The following RNMT variants were observed in gnomAD, a reference collection of about 807,000 sequenced individuals.
The protein encoded by RNMT is RNA guanine-7 methyltransferase.
In RNMT, 27 loss-of-function variants were observed where a neutral mutation model predicts 56.0. That is an observed-to-expected ratio of 0.48 (90% CI 0.36 to 0.67). RNMT has a LOEUF of 0.67. Ranked by LOEUF, RNMT falls within the 30% of genes least tolerant of loss-of-function variation. The pLI, the probability that RNMT is intolerant of heterozygous loss-of-function variation, is 0.00. For synonymous variants in RNMT, 184 were observed against 176.2 expected (o/e 1.04, Z -0.35); for missense variants, 519 against 552.1 (o/e 0.94, Z 0.60).
chr18:13,761,137 G>A lies in RNMT; in HGVS notation c.*1158G>A. 2 of 985,372 alleles carry A rather than the reference G, an allele frequency of 2.0e-6. No homozygotes were observed. The highest frequency in any genetic ancestry group is 9.4e-5 in the South Asian group (2 of 21,282). The allele number at this position is 985,372 out of a possible 1,614,324, so 61.0% of individuals were successfully genotyped here. On this transcript the variant is annotated 3_prime_UTR_variant, in exon 12 of 12. Coordinates refer to ENST00000383314, the MANE Select transcript of RNMT (RefSeq NM_003799.3). ...ACAATACTTGTTTTAAAAACATAGT[G>A]TCTTCATTAGTGTGCATCTATTAAC...
chr18:13,735,651 A>G (rs1279636614), intron 4 of RNMT, among the ~76,000 whole-genome samples: 1 of 151,958 alleles, frequency 6.6e-6, no homozygotes, highest in Non-Finnish European at 1.5e-5. Context: ...TTTTATGAAT[A>G]CTTATTTATT....
At chr18:13,752,207 T>C in intron 9 of RNMT, 119 bp from the exon 10 acceptor site, 1 of 636,662 alleles carries the variant, frequency 1.6e-6, no homozygotes, top group South Asian at 2.1e-5. Flanking sequence ...ATAGTTTGTA[T>C]TCCTGAAGTA....
chr18:13,740,648 A>G (rs984811137), intron 6 of RNMT, among the ~76,000 whole-genome samples: 2 of 152,226 alleles, frequency 1.3e-5, no homozygotes, highest in Non-Finnish European at 2.9e-5. Flanking sequence ...CTGGGATTAC[A>G]GGCATGAGCC....
intron 4 of RNMT, among the ~76,000 whole-genome samples, chr18:13,736,088 TTA>T (rs2044153733): frequency 6.6e-6 from 1 of 152,238 alleles, no homozygotes; most frequent in Admixed American, 6.5e-5. Context: ...TGCAGAGATT[TTA>T]TAATTGTTTT....
intron 5 of RNMT, among the ~76,000 whole-genome samples, chr18:13,738,820 C>G (rs1244790391): frequency 6.6e-6 from 1 of 152,158 alleles, no homozygotes; most frequent in Non-Finnish European, 1.5e-5. Context: ...CCCTTGTCTC[C>G]CTTTAAATTA....
chr18:13,754,030 C>A, intron 10 of RNMT, 84 bp from the exon 11 acceptor site: 2 of 725,370 alleles, frequency 2.8e-6, no homozygotes, highest in South Asian at 1.6e-5. Flanking sequence ...GTCTTTTGGC[C>A]ATCTCTGCCC....
intron 1 of RNMT, among the ~76,000 whole-genome samples, chr18:13,730,214 A>G (rs536169892): frequency 3.3e-4 from 51 of 152,344 alleles, no homozygotes; most frequent in Non-Finnish European, 6.6e-4. Flanking sequence ...AACCACCATA[A>G]TTCTTGCCCA....
In RNMT at chr18:13,761,973, G is replaced by A. The variant is rs1314900684; in HGVS notation, c.*1994G>A. On this transcript the variant is annotated 3_prime_UTR_variant, in exon 12 of 12. Coordinates refer to ENST00000383314, the MANE Select transcript of RNMT (RefSeq NM_003799.3). ...GCCTATCCTCTCCGATCACCAAGGT[G>A]GAAGGGAGCTAGTAGGACTCTTCCT... The A allele has an allele frequency of 6.5e-7, 1 of 1,531,172 alleles. No individual in the cohort carries two copies. The highest frequency in any genetic ancestry group is 1.4e-5 in the African/African-American group (1 of 72,938). 94.8% of individuals were successfully genotyped at this position (1,531,172 alleles called of 1,614,324 possible). A position where few individuals can be genotyped will look rare whatever the true frequency, so the allele number is the denominator to read the frequency against.
intron 4 of RNMT, among the ~76,000 whole-genome samples, chr18:13,735,085 T>C (rs1304259629): frequency 6.6e-6 from 1 of 152,156 alleles, no homozygotes; most frequent in South Asian, 2.1e-4. Context: ...AATACAATTC[T>C]TGTCGGCACC....
intron 10 of RNMT, among the ~76,000 whole-genome samples, chr18:13,753,816 T>TACACACACACACACACACACACACAC (rs3138630): frequency 7.6e-5 from 11 of 144,498 alleles, no homozygotes; most frequent in Admixed American, 6.9e-5. Context: ...ATTTTCCAGT[T>TACACACACACACACACACACACACAC]ACACACACAC....
chr18:13,737,499 C>T (rs2044181868), intron 5 of RNMT, among the ~76,000 whole-genome samples: 1 of 151,648 alleles, frequency 6.6e-6, no homozygotes, highest in Non-Finnish European at 1.5e-5. Flanking sequence ...GACAAGATCG[C>T]ACCACTGCAC....
chr18:13,727,489 T>C (rs558789458), intron 1 of RNMT, among the ~76,000 whole-genome samples: 139 of 152,376 alleles, frequency 9.1e-4, no homozygotes, highest in African/African-American at 3.1e-3. Context: ...TACATAGAAG[T>C]TGCACATATT....
intron 11 of RNMT, among the ~76,000 whole-genome samples, chr18:13,759,421 G>A (rs73958033): frequency 0.086 from 13,022 of 152,162 alleles, 721 homozygotes; most frequent in African/African-American, 0.16. Flanking sequence ...TAATATCTCT[G>A]AAGTATTGAT....
Position 13,760,358 on chromosome 18 carries a change from CAGAG to C in RNMT, c.*382_*385del, listed in dbSNP as rs2044604532. ...AATTTATTGCAGTTATAGAATTGGT[CAGAG>C]AGCATTTTCATAGTGTGCTCATTTC... On this transcript the variant is annotated 3_prime_UTR_variant, in exon 12 of 12. Coordinates refer to ENST00000383314, the MANE Select transcript of RNMT (RefSeq NM_003799.3). 1 of 1,002,982 alleles carries C rather than the reference CAGAG, an allele frequency of 1.0e-6. No individual in the cohort carries two copies. The highest frequency in any genetic ancestry group is 1.7e-5 in the African/African-American group (1 of 57,782). 62.1% of individuals were successfully genotyped at this position (1,002,982 alleles called of 1,614,324 possible).
intron 9 of RNMT, among the ~76,000 whole-genome samples, chr18:13,750,853 A>G (rs992196693): frequency 4.6e-5 from 7 of 152,144 alleles, no homozygotes; most frequent in Non-Finnish European, 1.0e-4. Context: ...TGACAAAAAC[A>G]AGCAATGGAG....
chr18:13,737,949 A>ATT lies in RNMT; in HGVS notation c.679+825_679+826dup, dbSNP rs1008878810. On this transcript the variant is annotated intron_variant, in intron 5 of 11. Coordinates refer to ENST00000383314, the MANE Select transcript of RNMT (RefSeq NM_003799.3). ...TATGAAATAATAGATCTAGGCAATA[A>ATT]TTTTTTTTTTTTGCTACGGAAGCCA... 9.5e-5 allele frequency among the ~76,000 whole-genome samples: 14 copies of ATT among 146,914 alleles called. No homozygotes were observed. The East Asian group carries it at 2.8e-3, about 29-fold the overall frequency.
At chr18:13,751,383 T>C (rs1350200780) in intron 9 of RNMT, among the ~76,000 whole-genome samples, 1 of 152,198 alleles carries the variant, frequency 6.6e-6, no homozygotes, top group South Asian at 2.1e-4. Flanking sequence ...TCATCACTGG[T>C]CATCAGAGAA....
chr18:13,753,326 G>A (rs1156463846), intron 10 of RNMT, among the ~76,000 whole-genome samples: 2 of 152,100 alleles, frequency 1.3e-5, no homozygotes, highest in Admixed American at 6.5e-5. Flanking sequence ...TTAGCTGGAC[G>A]TGGTGACGGG....
rs776985101 is a variant in RNMT, at chr18:13,741,593, G to A, written c.876G>A (p.Glu292=). 2 of 1,613,920 alleles carry A rather than the reference G, an allele frequency of 1.2e-6. No homozygotes were observed. The highest frequency in any genetic ancestry group is 3.3e-5 in the Admixed American group (2 of 60,020). The change falls in exon 7 of 12, where the codon GAG becomes GAA. Residue 292 remains glutamate (E), a synonymous_variant. Coordinates refer to ENST00000383314, the MANE Select transcript of RNMT (RefSeq NM_003799.3). ...SCQFVCHYSF[E]SYEQADMMLR... Reference sequence around the variant, plus strand: ...AGTTTGTCTGTCATTACTCATTTGAGTCTTATGAGCAGGCTGACATGATGC... The same window carrying A: ...AGTTTGTCTGTCATTACTCATTTGAATCTTATGAGCAGGCTGACATGATGC...
Sources: gnomAD v4.1 joint callset for allele counts (sites outside exome capture counted in the v4.1 genomes callset) on GRCh38, gnomAD v4.1.1 for gene constraint, MANE v1.5 for transcripts, NCBI Gene and HGNC (gene_info 2026-07-23, HGNC 2026-07-21) for gene names.